The following SYNE1 variants were observed in gnomAD, a reference collection of about 807,000 sequenced individuals.
SYNE1 encodes spectrin repeat containing nuclear envelope protein 1.
Under a neutral mutation model 1,111.0 loss-of-function variants are expected in SYNE1, and 616 were observed. The ratio of observed to expected loss-of-function variants is 0.55; its 90% CI spans 0.52 to 0.59. The LOEUF is 0.59. Ranked by LOEUF, SYNE1 falls within the 20% of genes least tolerant of loss-of-function variation. SYNE1 has a pLI of 0.00. For missense variants in SYNE1, 10,006 were observed against 10,417.0 expected (o/e 0.96, Z 1.72); for synonymous variants, 3,855 against 3,825.8 (o/e 1.01, Z -0.28).
intron 4 of SYNE1, among the ~76,000 whole-genome samples, chr6:152,527,379 T>C (rs1218680871): frequency 6.6e-6 from 1 of 152,216 alleles, no homozygotes; most frequent in Non-Finnish European, 1.5e-5. Flanking sequence ...AAATACATGT[T>C]CAAAAATAAC....
chr6:152,566,679 G>C (rs1297871709), intron 3 of SYNE1, among the ~76,000 whole-genome samples: 1 of 152,122 alleles, frequency 6.6e-6, no homozygotes, highest in African/African-American at 2.4e-5. Flanking sequence ...AACCACAGAT[G>C]CATTTTCAGC....
chr6:152,455,786 G>T, intron 23 of SYNE1, 100 bp downstream of exon 23: 1 of 1,526,018 alleles, frequency 6.6e-7, no homozygotes, highest in Non-Finnish European at 9.0e-7. Flanking sequence ...ACACCAGCAG[G>T]TAAGGCGTTT....
chr6:152,364,793 T>C, intron 63 of SYNE1, 54 bp downstream of exon 63: 1 of 1,610,674 alleles, frequency 6.2e-7, no homozygotes. Context: ...TCAGTAGTAT[T>C]ATATTGATCT....
chr6:152,516,935 T>C lies in SYNE1; in HGVS notation c.309+3524A>G, dbSNP rs535345215. 1.6e-4 allele frequency among the ~76,000 whole-genome samples: 24 copies of C among 152,228 alleles called. No individual in the cohort carries two copies. The East Asian group carries it at 4.3e-3, about 27-fold the overall frequency. ...TAACAAGGCTTCATTCAGCTTTCAA[T>C]GAAAAATTAATGAAGGGTGAGCAGA... is the stretch of plus-strand genomic sequence containing the variant. On this transcript the variant is annotated intron_variant, in intron 6 of 145. Transcript: ENST00000367255.
chr6:152,274,683 G>T (rs1589165653), intron 98 of SYNE1, among the ~76,000 whole-genome samples: 2 of 152,014 alleles, frequency 1.3e-5, no homozygotes, highest in African/African-American at 4.8e-5. Flanking sequence ...TGCAACCTCT[G>T]CCTCCTCGGT....
chr6:152,132,578 G>T (rs1225842396), intron 143 of SYNE1, among the ~76,000 whole-genome samples: 1 of 152,218 alleles, frequency 6.6e-6, no homozygotes, highest in African/African-American at 2.4e-5. Flanking sequence ...CTGAACAGAA[G>T]TCAATACATT....
At position 152,122,509 on chromosome 6, in the gene SYNE1, C is replaced by T. The variant is rs1279617814; in HGVS notation, c.26321G>A (p.Cys8774Tyr). The T allele has an allele frequency of 6.2e-7, 1 of 1,614,052 alleles. No individual in the cohort carries two copies. The highest frequency in any genetic ancestry group is 1.7e-5 in the Admixed American group (1 of 60,000). Residue 8774 changes from cysteine to tyrosine, a missense_variant, in exon 146 of 146, where the codon TGT (cysteine) becomes TAT (tyrosine). Physicochemically the swap from Cys to Tyr is radical, Grantham distance 194 (BLOSUM62 -2). Coordinates refer to ENST00000367255, the MANE Select transcript of SYNE1 (RefSeq NM_182961.4). Reference protein sequence around the residue: ...LVPMSEEDYSCALSNNFARSF... With the variant: ...LVPMSEEDYSYALSNNFARSF... The stretch of plus-strand genomic sequence containing the variant: ...CCGGGCAAAGTTGTTGGAGAGGGCA[C>T]AGCTGTAGTCTTCCTCTGACATTGG...
Position 152,319,111 on chromosome 6 carries a change from C to T in SYNE1, c.16237-96G>A, listed in dbSNP as rs564794838. The T allele has an allele frequency of 1.0e-4, 161 of 1,538,840 alleles. No homozygotes were observed. In the East Asian group the frequency reaches 3.7e-3, roughly 36 times the overall value. On this transcript the variant is annotated intron_variant, in intron 84 of 145. Coordinates refer to ENST00000367255, the MANE Select transcript of SYNE1 (RefSeq NM_182961.4). Reference sequence around the variant, plus strand: ...ATGATGTTGACAAGACACATTTTAACTGCTTTGGCATTGAAACACCTGGTC... The same window carrying T: ...ATGATGTTGACAAGACACATTTTAATTGCTTTGGCATTGAAACACCTGGTC...
rs549829096 is a variant in SYNE1, at chr6:152,363,106, C to T, written c.10146-783G>A. On this transcript the variant is annotated intron_variant, in intron 63 of 145. Transcript: ENST00000367255. ...CTGTGTTAGCCAGGATGGTCTTGATCTCCTGACCTTGTGATCTGCCTGCCT... is the reference window on the plus strand; with the variant it reads ...CTGTGTTAGCCAGGATGGTCTTGATTTCCTGACCTTGTGATCTGCCTGCCT... 2.9e-3 allele frequency among the ~76,000 whole-genome samples: 433 copies of T among 150,380 alleles called. 2 individuals are homozygous for T. Among genetic ancestry groups the T allele is most frequent in the African/African-American group, 0.01 (414 of 41,126 alleles).
intron 130 of SYNE1, chr6:152,168,361 C>T: frequency 1.7e-6 from 1 of 582,438 alleles, no homozygotes; most frequent in Non-Finnish European, 3.0e-6. Context: ...TGGGCAGTGA[C>T]AAGTGGTCAT....
intron 56 of SYNE1, chr6:152,380,710 C>T: frequency 2.6e-6 from 1 of 387,830 alleles, no homozygotes; most frequent in Non-Finnish European, 4.8e-6. Flanking sequence ...ATTTTTCAGA[C>T]TGAATGGCTG....
At position 152,214,912 on chromosome 6, in the gene SYNE1, C is replaced by A; in HGVS notation, c.22340G>T (p.Arg7447Ile). ...WSLISSQTTE[R>I]FSKLQSFLLQ... ...CATCTCTTGTTTACTCTACCTGAATCTTTCTGTAGTCTGAGAGGAGATCAG... is the reference window on the plus strand; with the variant it reads ...CATCTCTTGTTTACTCTACCTGAATATTTCTGTAGTCTGAGAGGAGATCAG... The change falls in exon 122 of 146, where the codon AGA (arginine) becomes ATA (isoleucine). Residue 7447 changes from arginine to isoleucine, a missense_variant. Arg to Ile is a moderately conservative substitution (Grantham distance 97). Coordinates refer to ENST00000367255, the MANE Select transcript of SYNE1 (RefSeq NM_182961.4). 2.5e-6 allele frequency: 4 copies of A among 1,614,144 alleles called. No homozygotes were observed. The highest frequency in any genetic ancestry group is 3.4e-6 in the Non-Finnish European group (4 of 1,179,998).
intron 41 of SYNE1, among the ~76,000 whole-genome samples, chr6:152,415,789 T>TAAAAAAAAAAAAAAAAAA (rs1209590450): frequency 5.5e-5 from 4 of 73,022 alleles, no homozygotes; most frequent in African/African-American, 1.8e-4. Flanking sequence ...TTCAAAGTGG[T>TAAAAAAAAAAAAAAAAAA]AAAAAAAAAA....
intron 63 of SYNE1, 146 bp downstream of exon 63, chr6:152,364,701 G>GAAGGAAGGAAGA (rs2097024772): frequency 1.3e-6 from 1 of 778,010 alleles, no homozygotes; most frequent in African/African-American, 1.9e-5. Context: ...AGGAAGGAAG[G>GAAGGAAGGAAGA]AAGGAAGGAA....
In SYNE1 at chr6:152,443,511, G is replaced by A. The variant is rs780438269; in HGVS notation, c.3837+900C>T. ...GATCTGCTGACCTCGTGATGCGCCC[G>A]CCTCGGCCTCCCAAAGTGCTGGGAT... On this transcript the variant is annotated intron_variant, in intron 30 of 145. Coordinates refer to ENST00000367255, the MANE Select transcript of SYNE1 (RefSeq NM_182961.4). 9.9e-5 allele frequency among the ~76,000 whole-genome samples: 15 copies of A among 152,224 alleles called. No individual in the cohort carries two copies. In the East Asian group the frequency reaches 1.7e-3, roughly 18 times the overall value.
chr6:152,243,671 TA>T (rs1204361520), intron 106 of SYNE1, among the ~76,000 whole-genome samples: 2 of 152,216 alleles, frequency 1.3e-5, no homozygotes, highest in African/African-American at 4.8e-5. Flanking sequence ...ACAGTTAAAA[TA>T]AAAATGTTCT....
At chr6:152,181,962 G>A (rs2068204254) in intron 128 of SYNE1, among the ~76,000 whole-genome samples, 1 of 152,206 alleles carries the variant, frequency 6.6e-6, no homozygotes, top group African/African-American at 2.4e-5. Context: ...TGGATGTGAA[G>A]TGGTATCTGA....
chr6:152,409,569 G>A lies in SYNE1; in HGVS notation c.6371C>T (p.Ala2124Val). 1 of 1,613,548 alleles carries A rather than the reference G, an allele frequency of 6.2e-7. No individual in the cohort carries two copies. The highest frequency in any genetic ancestry group is 8.5e-7 in the Non-Finnish European group (1 of 1,179,884). The stretch of plus-strand genomic sequence containing the variant: ...CATTTTGAATTTTACCTTGGAAAAA[G>A]CCCATTTAAGATCCTCCTGATCTTT... The part of the protein sequence containing the change: ...TIKDQEDLKW[A>V]FSKHETAKNK... Residue 2124 changes from alanine (A) to valine (V), a missense_variant, in exon 43 of 146, where the codon GCT becomes GTT. Around this residue, in one of 7 missense-constraint regions of SYNE1, gnomAD observed 4,955 missense variants for 5,017.2 expected, o/e 0.99. Coordinates refer to ENST00000367255, the MANE Select transcript of SYNE1 (RefSeq NM_182961.4).
At position 152,444,402 on chromosome 6, in the gene SYNE1, C is replaced by G; in HGVS notation, c.3837+9G>C. The G allele has an allele frequency of 6.2e-7, 1 of 1,613,320 alleles. No homozygotes were observed. Among genetic ancestry groups the G allele is most frequent in the Non-Finnish European group, 8.5e-7 (1 of 1,179,702 alleles). ...ACATAATCTTGTTGGAAGAAAGAGG[C>G]ATTTTTACCTGGTGATGAAGAAGTA... is the stretch of plus-strand genomic sequence containing the variant. On this transcript the variant is annotated intron_variant, in intron 30 of 145. Coordinates refer to ENST00000367255, the MANE Select transcript of SYNE1 (RefSeq NM_182961.4).
Sources: gnomAD v4.1 joint callset for allele counts (sites outside exome capture counted in the v4.1 genomes callset) on GRCh38, gnomAD v4.1.1 for gene constraint, gnomAD v4.1.1 regional missense constraint, MANE v1.5 for transcripts, NCBI Gene and HGNC (gene_info 2026-07-23, HGNC 2026-07-21) for gene names.